Variants in RBL2 observed in about 807,000 individuals in gnomAD.
RBL2 encodes the protein RB transcriptional corepressor like 2.
In RBL2, 56 loss-of-function variants were observed where a neutral mutation model predicts 126.0. The observed-to-expected ratio is 0.44, with a 90% confidence interval of 0.36 to 0.56. The LOEUF is 0.56. RBL2 is among the 20% of genes least tolerant of loss of function. The probability of loss-of-function intolerance (pLI) is 0.00; values close to 1 mark genes in which losing one functional copy is unlikely to be tolerated. For synonymous variants in RBL2, 454 were observed against 478.5 expected (o/e 0.95, Z 0.67); for missense variants, 1,229 against 1,398.2 (o/e 0.88, Z 1.93).
chr16:53,467,143 G>T lies in RBL2; in HGVS notation c.1949G>T (p.Arg650Leu), dbSNP rs748585227. ...PLTPRRVTEV[R>L]ADTGGLGRSI... ...ACTCCCAGAAGGGTGACTGAAGTTC[G>T]TGCTGATACTGGAGGACTTGGAAGG... The change falls in exon 14 of 22, where the codon CGT (arginine) becomes CTT (leucine). Residue 650 changes from arginine (R) to leucine (L), a missense_variant. By Grantham distance (102) the Arg-to-Leu change is moderately radical. Around this residue, in one of 2 missense-constraint regions of RBL2, gnomAD observed 1,070 missense variants for 1,274.3 expected, o/e 0.84. Coordinates refer to ENST00000262133, the MANE Select transcript of RBL2 (RefSeq NM_005611.4). The T allele has an allele frequency of 6.2e-7, 1 of 1,613,694 alleles. No individual in the cohort carries two copies. The highest frequency in any genetic ancestry group is 1.7e-5 in the Admixed American group (1 of 60,006).
At chr16:53,469,806 T>A (rs2058303733) in intron 14 of RBL2, 110 bp from the exon 15 acceptor site, 1 of 1,244,494 alleles carries the variant, frequency 8.0e-7, no homozygotes, top group South Asian at 1.7e-5. Flanking sequence ...GCTTTTTGAA[T>A]TATGAAGTAT....
chr16:53,460,215 G>C (rs1322656614), intron 9 of RBL2, among the ~76,000 whole-genome samples: 1 of 152,058 alleles, frequency 6.6e-6, no homozygotes, highest in Non-Finnish European at 1.5e-5. Context: ...CATAACCTTT[G>C]GCAAGTTGAT....
At chr16:53,462,845 G>T (rs1187500148) in intron 11 of RBL2, among the ~76,000 whole-genome samples, 190 bp downstream of exon 11, 1 of 152,002 alleles carries the variant, frequency 6.6e-6, no homozygotes. Context: ...ATGTATGTAT[G>T]TATTTACCTA....
At chr16:53,478,535 T>C (rs1295320840) in intron 17 of RBL2, among the ~76,000 whole-genome samples, 2 of 134,798 alleles carry the variant, frequency 1.5e-5, no homozygotes, top group Admixed American at 1.8e-4. Flanking sequence ...TTTCTTCATG[T>C]TTGCTAATCC....
intron 8 of RBL2, among the ~76,000 whole-genome samples, chr16:53,458,685 C>T (rs1357694317): frequency 6.6e-6 from 1 of 152,188 alleles, no homozygotes; most frequent in Non-Finnish European, 1.5e-5. Flanking sequence ...TACAGTTCCA[C>T]ATGACTGGGG....
At chr16:53,454,586 A>C in intron 7 of RBL2, 70 bp from the exon 8 acceptor site, 1 of 1,338,422 alleles carries the variant, frequency 7.5e-7, no homozygotes, top group East Asian at 2.4e-5. Flanking sequence ...TAAATAAAAA[A>C]ATGAAATAAT....
Position 53,457,258 on chromosome 16 carries a change from C to CCTTTTTTTTT in RBL2, c.1180-2193_1180-2192insCTTTTTTTTT, listed in dbSNP as rs1555566426. On this transcript the variant is annotated intron_variant, in intron 8 of 21. Transcript: ENST00000262133. ...GGGTCATCAGGGTGGGTACAGATAGCTTTTTTTTTTTTTTTTTTTGAGATG... is the reference window on the plus strand; with the variant it reads ...GGGTCATCAGGGTGGGTACAGATAGCCTTTTTTTTTTTTTTTTTTTTTTTTTTTTGAGATG... 2.9e-3 allele frequency among the ~76,000 whole-genome samples: 258 copies of CCTTTTTTTTT among 89,850 alleles called. 24 individuals are homozygous for CCTTTTTTTTT. Among genetic ancestry groups the CCTTTTTTTTT allele is most frequent in the South Asian group, 4.5e-3 (11 of 2,464 alleles). 58.9% of individuals were successfully genotyped at this position (89,850 alleles called of 152,430 possible).
At chr16:53,457,277 T>TTTTTTTTTTTTTTTTTTTG (rs1213898728) in intron 8 of RBL2, among the ~76,000 whole-genome samples, 3 of 139,976 alleles carry the variant, frequency 2.1e-5, no homozygotes, top group Admixed American at 7.3e-5. Flanking sequence ...TTTTTTTTTT[T>TTTTTTTTTTTTTTTTTTTG]GAGATGGAGT....
At chr16:53,456,186 G>GAAA (rs111847363) in intron 8 of RBL2, among the ~76,000 whole-genome samples, 81,268 of 151,218 alleles carry the variant, frequency 0.54, 24,041 homozygotes, top group African/African-American at 0.78. Context: ...TAAAAAAAAA[G>GAAA]AAAAGAAGAA....
chr16:53,435,553 T>C, intron 1 of RBL2: 1 of 1,203,406 alleles, frequency 8.3e-7, no homozygotes, highest in East Asian at 5.8e-5. Flanking sequence ...TTCTAGCCAG[T>C]GAGTGTCAGC....
chr16:53,471,684 G>A lies in RBL2; in HGVS notation c.2703+762G>A, dbSNP rs138276341. Among the ~76,000 whole-genome samples the A allele has an allele frequency of 3.5e-3, 532 of 152,206 alleles. 9 individuals carry two copies. The highest frequency in any genetic ancestry group is 1.9e-3 in the Non-Finnish European group (128 of 68,016). On this transcript the variant is annotated intron_variant, in intron 17 of 21. Transcript: ENST00000262133. ...GGGTTTGACCATGTTGGCCAGGCAGGTCTCAAACTCCTGACCTCAGGTGAT... is the reference window on the plus strand; with the variant it reads ...GGGTTTGACCATGTTGGCCAGGCAGATCTCAAACTCCTGACCTCAGGTGAT...
At chr16:53,461,424 G>A (rs2058219432) in intron 9 of RBL2, among the ~76,000 whole-genome samples, 2 of 152,276 alleles carry the variant, frequency 1.3e-5, no homozygotes, top group East Asian at 3.9e-4. Context: ...CCTGGGAGGT[G>A]GAGGTTGCAG....
chr16:53,452,135 T>C (rs1337536887), intron 5 of RBL2, among the ~76,000 whole-genome samples: 1 of 152,244 alleles, frequency 6.6e-6, no homozygotes, highest in Non-Finnish European at 1.5e-5. Flanking sequence ...GATGTTTTTC[T>C]ACATTGGCAA....
At chr16:53,469,870 G>T in intron 14 of RBL2, 46 bp from the exon 15 acceptor site, 1 of 1,495,876 alleles carries the variant, frequency 6.7e-7, no homozygotes, top group South Asian at 1.4e-5. Flanking sequence ...AGTCAGATCT[G>T]AGTCTCCTTG....
intron 1 of RBL2, among the ~76,000 whole-genome samples, chr16:53,435,898 G>A (rs2057954156): frequency 6.6e-6 from 1 of 152,098 alleles, no homozygotes; most frequent in African/African-American, 2.4e-5. Context: ...TTTAGAACCC[G>A]ACAGACCTGA....
At chr16:53,462,728 T>C (rs2058234889) in intron 11 of RBL2, 73 bp downstream of exon 11, 7 of 940,520 alleles carry the variant, frequency 7.4e-6, no homozygotes, top group Non-Finnish European at 1.1e-5. Flanking sequence ...CTGTGGGTTG[T>C]TTTTTTTACT....
Position 53,481,328 on chromosome 16 carries a change from T to G in RBL2, c.3085-343T>G, listed in dbSNP as rs1960937707. On this transcript the variant is annotated intron_variant, in intron 20 of 21. Transcript: ENST00000262133. ...AGACAGGCTACATGGGTTCAAATTTTCCAGTACTTAACAGTGGTGGTAACC... is the reference window on the plus strand; with the variant it reads ...AGACAGGCTACATGGGTTCAAATTTGCCAGTACTTAACAGTGGTGGTAACC... The G allele has an allele frequency of 2.2e-5, 5 of 224,258 alleles. No individual in the cohort carries two copies. The Admixed American group carries it at 2.7e-4, about 12-fold the overall frequency. 13.9% of individuals were successfully genotyped at this position (224,258 alleles called of 1,614,324 possible). A position where few individuals can be genotyped will look rare whatever the true frequency, so the allele number is the denominator to read the frequency against.
In RBL2 at chr16:53,434,491, G is replaced by A. The variant is rs1020677925; in HGVS notation, c.-66G>A. 8.3e-6 allele frequency: 11 copies of A among 1,321,940 alleles called. No homozygotes were observed. In the African/African-American group the frequency reaches 1.4e-4, roughly 17 times the overall value. The allele number at this position is 1,321,940 out of a possible 1,614,324, so 81.9% of individuals were successfully genotyped here. On this transcript the variant is annotated 5_prime_UTR_variant, in exon 1 of 22. Coordinates refer to ENST00000262133, the MANE Select transcript of RBL2 (RefSeq NM_005611.4). ...CGGGCGGCGGACGGGCGGGCGCTTCGCCGTTTGAATGGCTGCGGGCCCGGG... is the reference window on the plus strand; with the variant it reads ...CGGGCGGCGGACGGGCGGGCGCTTCACCGTTTGAATGGCTGCGGGCCCGGG...
intron 21 of RBL2, among the ~76,000 whole-genome samples, chr16:53,483,107 A>G (rs1190859179): frequency 2.0e-5 from 3 of 152,264 alleles, no homozygotes; most frequent in Admixed American, 1.3e-4. Flanking sequence ...ATTCAGAGGT[A>G]AAGTGTCCCA....
Sources: gnomAD v4.1 joint callset for allele counts (sites outside exome capture counted in the v4.1 genomes callset) on GRCh38, gnomAD v4.1.1 for gene constraint, gnomAD v4.1.1 regional missense constraint, MANE v1.5 for transcripts, NCBI Gene and HGNC (gene_info 2026-07-23, HGNC 2026-07-21) for gene names.